Variants in DDI1 observed in about 807,000 individuals in gnomAD.
DDI1 encodes the protein protein DDI1 homolog 1.
DDI1 carries 6 observed loss-of-function variants against 7.2 expected under a neutral mutation model. The observed-to-expected ratio is 0.83, with a 90% confidence interval of 0.46 to 1.64. DDI1 has a LOEUF of 1.64. Ranked by LOEUF, DDI1 falls within the 40% of genes most tolerant of loss-of-function variation. The pLI, the probability that DDI1 is intolerant of heterozygous loss-of-function variation, is 0.01. For missense variants in DDI1, 502 were observed against 516.6 expected (o/e 0.97, Z 0.27); for synonymous variants, 221 against 201.7 (o/e 1.10, Z -0.81).
rs1860284846 is a variant in DDI1, at chr11:104,038,106, C to T, written c.*93C>T. 3.9e-6 allele frequency: 5 copies of T among 1,285,832 alleles called. No homozygotes were observed. In the African/African-American group the frequency reaches 7.4e-5, roughly 19 times the overall value. 79.7% of individuals were successfully genotyped at this position (1,285,832 alleles called of 1,614,324 possible). A position where few individuals can be genotyped will look rare whatever the true frequency, so the allele number is the denominator to read the frequency against. On this transcript the variant is annotated 3_prime_UTR_variant, in exon 1 of 1. Coordinates refer to ENST00000302259, the MANE Select transcript of DDI1 (RefSeq NM_001001711.3). ...TACTGGCAATGTAATCATTAAAAAA[C>T]ATCAGTAACAACTAAACCTGGCCTT... is the stretch of plus-strand genomic sequence containing the variant.
Position 104,036,775 on chromosome 11 carries a change from G to T in DDI1, c.-48G>T. 6.7e-7 allele frequency: 1 copy of T among 1,500,934 alleles called. No homozygotes were observed. Among genetic ancestry groups the T allele is most frequent in the Non-Finnish European group, 9.2e-7 (1 of 1,092,182 alleles). The allele number at this position is 1,500,934 out of a possible 1,614,324, so 93.0% of individuals were successfully genotyped here. A position where few individuals can be genotyped will look rare whatever the true frequency, so the allele number is the denominator to read the frequency against. On this transcript the variant is annotated 5_prime_UTR_variant, in exon 1 of 1. Coordinates refer to ENST00000302259, the MANE Select transcript of DDI1 (RefSeq NM_001001711.3). ...GACGCAGGCCCGCCCCAGCCCGCCAGTGAGCCGCCCATGCCCTCTGCTAGC... is the reference window on the plus strand; with the variant it reads ...GACGCAGGCCCGCCCCAGCCCGCCATTGAGCCGCCCATGCCCTCTGCTAGC...
rs1253955352 is a variant in DDI1 at position 104,038,439 on chromosome 11, T to A, written c.*426T>A. The A allele has an allele frequency of 5.6e-6, 1 of 178,798 alleles. No individual in the cohort carries two copies. The highest frequency in any genetic ancestry group is 2.4e-5 in the African/African-American group (1 of 41,646). 11.1% of individuals were successfully genotyped at this position (178,798 alleles called of 1,614,324 possible). ...TCACATCAGCACTAATAATTCTTTC[T>A]ACTGAGAGAAATATGCCCATTTTCA... On this transcript the variant is annotated 3_prime_UTR_variant, in exon 1 of 1. Coordinates refer to ENST00000302259, the MANE Select transcript of DDI1 (RefSeq NM_001001711.3).
At position 104,036,783 on chromosome 11, in the gene DDI1, C is replaced by T. The variant is rs2134394460; in HGVS notation, c.-40C>T. Reference sequence around the variant, plus strand: ...CCCGCCCCAGCCCGCCAGTGAGCCGCCCATGCCCTCTGCTAGCCCGGCCCG... The same window carrying T: ...CCCGCCCCAGCCCGCCAGTGAGCCGTCCATGCCCTCTGCTAGCCCGGCCCG... On this transcript the variant is annotated 5_prime_UTR_variant, in exon 1 of 1. Coordinates refer to ENST00000302259, the MANE Select transcript of DDI1 (RefSeq NM_001001711.3). The T allele has an allele frequency of 6.5e-7, 1 of 1,542,028 alleles. No homozygotes were observed. The highest frequency in any genetic ancestry group is 8.9e-7 in the Non-Finnish European group (1 of 1,123,198).
rs769083816 is a variant in DDI1, at chr11:104,037,723, C to T, written c.901C>T (p.Arg301Cys). The T allele has an allele frequency of 3.2e-5, 52 of 1,613,966 alleles. No individual in the cohort carries two copies. Among genetic ancestry groups the T allele is most frequent in the South Asian group, 1.5e-4 (14 of 91,074 alleles). ...AGTGGGCACACAGAGAATTATTGGC[C>T]GTGTTCATCTAGCTCAGATTCAAAT... The part of the protein sequence containing the change: ...KGVGTQRIIG[R>C]VHLAQIQIEG... Residue 301 changes from arginine (R) to cysteine (C), a missense_variant, in exon 1 of 1, where the codon CGT (arginine) becomes TGT (cysteine). Arg to Cys is a radical substitution (Grantham distance 180). Coordinates refer to ENST00000302259, the MANE Select transcript of DDI1 (RefSeq NM_001001711.3).
chr11:104,037,054 G>C lies in DDI1; in HGVS notation c.232G>C (p.Asp78His). Residue 78 changes from aspartate (D) to histidine (H), a missense_variant, in exon 1 of 1, where the codon GAC becomes CAC. By Grantham distance (81) the Asp-to-His change is moderately conservative. Coordinates refer to ENST00000302259, the MANE Select transcript of DDI1 (RefSeq NM_001001711.3). The stretch of plus-strand genomic sequence containing the variant: ...CGATATCGTGGTTTTACTGCAGAAG[G>C]ACAATGTGGGACCTCGGGCTCCAGG... ...DGDIVVLLQK[D>H]NVGPRAPGRA... 6.2e-7 allele frequency: 1 copy of C among 1,614,256 alleles called. No homozygotes were observed. Among genetic ancestry groups the C allele is most frequent in the Non-Finnish European group, 8.5e-7 (1 of 1,180,050 alleles).
rs964955125 is a variant in DDI1 at position 104,037,089 on chromosome 11, G to A, written c.267G>A (p.Pro89=). Residue 89 remains proline (P), a synonymous_variant, in exon 1 of 1, where the codon CCG becomes CCA. Transcript: ENST00000302259. Reference sequence around the variant, plus strand: ...GACCTCGGGCTCCAGGGCGTGCCCCGAACCAGCCTCGTGTAGACTTCAGTG... The same window carrying A: ...GACCTCGGGCTCCAGGGCGTGCCCCAAACCAGCCTCGTGTAGACTTCAGTG... ...NVGPRAPGRA[P]NQPRVDFSGI... 3 of 1,614,078 alleles carry A rather than the reference G, an allele frequency of 1.9e-6. No homozygotes were observed. Among genetic ancestry groups the A allele is most frequent in the African/African-American group, 2.7e-5 (2 of 74,948 alleles).
In DDI1 at chr11:104,038,429, T is replaced by C. The variant is rs998073793; in HGVS notation, c.*416T>C. 1 of 181,840 alleles carries C rather than the reference T, an allele frequency of 5.5e-6. No homozygotes were observed. The highest frequency in any genetic ancestry group is 1.3e-5 in the Non-Finnish European group (1 of 76,198). The allele number at this position is 181,840 out of a possible 1,614,324, so 11.3% of individuals were successfully genotyped here. A position where few individuals can be genotyped will look rare whatever the true frequency, so the allele number is the denominator to read the frequency against. ...TAAAACTATTTCACATCAGCACTAA[T>C]AATTCTTTCTACTGAGAGAAATATG... is the stretch of plus-strand genomic sequence containing the variant. On this transcript the variant is annotated 3_prime_UTR_variant, in exon 1 of 1. Transcript: ENST00000302259.
In DDI1 at chr11:104,036,817, C is replaced by T. The variant is rs1426702111; in HGVS notation, c.-6C>T. ...TCTGCTAGCCCGGCCCGCCCGGGCCCCCGCCATGCTGATCACCGTGTACTG... is the reference window on the plus strand; with the variant it reads ...TCTGCTAGCCCGGCCCGCCCGGGCCTCCGCCATGCTGATCACCGTGTACTG... On this transcript the variant is annotated 5_prime_UTR_variant, in exon 1 of 1. Coordinates refer to ENST00000302259, the MANE Select transcript of DDI1 (RefSeq NM_001001711.3). 6.2e-6 allele frequency: 10 copies of T among 1,610,082 alleles called. No homozygotes were observed. The highest frequency in any genetic ancestry group is 7.6e-6 in the Non-Finnish European group (9 of 1,177,422).
rs1484334753 is a variant in DDI1 at position 104,037,905 on chromosome 11, T to C, written c.1083T>C (p.Leu361=). The C allele has an allele frequency of 6.2e-7, 1 of 1,614,020 alleles. No homozygotes were observed. The highest frequency in any genetic ancestry group is 8.5e-7 in the Non-Finnish European group (1 of 1,180,040). ...IGTTGTQTYF[L]PEGELPLCSR... is the part of the protein sequence containing the mutation. ...CCACTGGCACGCAGACTTATTTTCT[T>C]CCTGAGGGAGAGTTGCCCTTATGCT... The change falls in exon 1 of 1, where the codon CTT becomes CTC. Residue 361 remains leucine (L), a synonymous_variant. Transcript: ENST00000302259.
Position 104,037,921 on chromosome 11 carries a change from C to T in DDI1, c.1099C>T (p.Pro367Ser), listed in dbSNP as rs988036040. 2 of 1,614,094 alleles carry T rather than the reference C, an allele frequency of 1.2e-6. No homozygotes were observed. The highest frequency in any genetic ancestry group is 1.6e-4 in the Middle Eastern group (1 of 6,062). ...QTYFLPEGEL[P>S]LCSRMVSGQD... ...TTATTTTCTTCCTGAGGGAGAGTTG[C>T]CCTTATGCTCTAGGATGGTAAGTGG... The change falls in exon 1 of 1, where the codon CCC becomes TCC. Residue 367 changes from proline (P) to serine (S), a missense_variant. By Grantham distance (74) the Pro-to-Ser change is moderately conservative. Transcript: ENST00000302259.
At position 104,037,857 on chromosome 11, in the gene DDI1, G is replaced by GA. The variant is rs1860278927; in HGVS notation, c.1040dup (p.Asn347LysfsTer17). On this transcript the variant is annotated frameshift_variant, in exon 1 of 1. Transcript: ENST00000302259. LOFTEE classifies it low-confidence loss of function (END_TRUNC). Reference sequence around the variant, plus strand: ...GACATCAATGTTCCATCGATTTGAAGAAAAATGTGCTGGTCATCGGCACCA... The same window carrying GA: ...GACATCAATGTTCCATCGATTTGAAGAAAAAATGTGCTGGTCATCGGCACCA... 1 of 1,614,146 alleles carries GA rather than the reference G, an allele frequency of 6.2e-7. No homozygotes were observed. The highest frequency in any genetic ancestry group is 1.6e-4 in the Middle Eastern group (1 of 6,062).
chr11:104,038,767 T>G lies in DDI1; in HGVS notation c.*754T>G, dbSNP rs902219254. ...AAATTAGATTTTTTAAAAAAGAAAT[T>G]ATGGTACTTCTTGGGAGTCAAGTTG... On this transcript the variant is annotated 3_prime_UTR_variant, in exon 1 of 1. Coordinates refer to ENST00000302259, the MANE Select transcript of DDI1 (RefSeq NM_001001711.3). The G allele has an allele frequency of 1.8e-5, 3 of 167,144 alleles. No homozygotes were observed. The highest frequency in any genetic ancestry group is 1.3e-4 in the Admixed American group (2 of 15,300). The allele number at this position is 167,144 out of a possible 1,614,324, so 10.4% of individuals were successfully genotyped here.
In DDI1 at chr11:104,038,275, A is replaced by G. The variant is rs1046068606; in HGVS notation, c.*262A>G. The G allele has an allele frequency of 1.0e-4, 43 of 427,294 alleles. No homozygotes were observed. The East Asian group carries it at 1.6e-3, about 16-fold the overall frequency. 26.5% of individuals were successfully genotyped at this position (427,294 alleles called of 1,614,324 possible). A position where few individuals can be genotyped will look rare whatever the true frequency, so the allele number is the denominator to read the frequency against. On this transcript the variant is annotated 3_prime_UTR_variant, in exon 1 of 1. Coordinates refer to ENST00000302259, the MANE Select transcript of DDI1 (RefSeq NM_001001711.3). ...CAGCTGATTTCCAGATAATCCATGAAAAAGAAAACCAGCTTCTTCCTTTAG... is the reference window on the plus strand; with the variant it reads ...CAGCTGATTTCCAGATAATCCATGAGAAAGAAAACCAGCTTCTTCCTTTAG...
chr11:104,036,754 C>A lies in DDI1; in HGVS notation c.-69C>A. Reference sequence around the variant, plus strand: ...CTGAGGAGCAGCGGCACCAACGACGCAGGCCCGCCCCAGCCCGCCAGTGAG... The same window carrying A: ...CTGAGGAGCAGCGGCACCAACGACGAAGGCCCGCCCCAGCCCGCCAGTGAG... On this transcript the variant is annotated 5_prime_UTR_variant, in exon 1 of 1. Transcript: ENST00000302259. 3 of 1,298,640 alleles carry A rather than the reference C, an allele frequency of 2.3e-6. No individual in the cohort carries two copies. The highest frequency in any genetic ancestry group is 3.3e-6 in the Non-Finnish European group (3 of 920,268). 80.4% of individuals were successfully genotyped at this position (1,298,640 alleles called of 1,614,324 possible).
At position 104,038,593 on chromosome 11, in the gene DDI1, T is replaced by TC. The variant is rs1860295710; in HGVS notation, c.*584dup. On this transcript the variant is annotated 3_prime_UTR_variant, in exon 1 of 1. Transcript: ENST00000302259. ...ATTTCCTCATATTTACACCTTCCCT[T>TC]CCCCTGGATCCCCTGCAGTCACCCT... 1 of 167,188 alleles carries TC rather than the reference T, an allele frequency of 6.0e-6. No individual in the cohort carries two copies. Among genetic ancestry groups the TC allele is most frequent in the Non-Finnish European group, 1.5e-5 (1 of 68,230 alleles). The allele number at this position is 167,188 out of a possible 1,614,324, so 10.4% of individuals were successfully genotyped here.
chr11:104,038,077 A>G lies in DDI1; in HGVS notation c.*64A>G. 6.8e-7 allele frequency: 1 copy of G among 1,466,324 alleles called. No individual in the cohort carries two copies. The highest frequency in any genetic ancestry group is 1.3e-5 in the South Asian group (1 of 74,762). The allele number at this position is 1,466,324 out of a possible 1,614,324, so 90.8% of individuals were successfully genotyped here. A position where few individuals can be genotyped will look rare whatever the true frequency, so the allele number is the denominator to read the frequency against. On this transcript the variant is annotated 3_prime_UTR_variant, in exon 1 of 1. Transcript: ENST00000302259. ...AGGTCCCCGGCAATTATAAGTTAAG[A>G]GCTTACTGGCAATGTAATCATTAAA... is the stretch of plus-strand genomic sequence containing the variant.
At position 104,036,894 on chromosome 11, in the gene DDI1, C is replaced by G. The variant is rs17851869; in HGVS notation, c.72C>G (p.Asp24Glu). The part of the protein sequence containing the change: ...EVTFSLQVSP[D>E]FELRNFKVLC... ...CCTTCTCTCTCCAGGTCAGCCCCGA[C>G]TTTGAGCTCCGAAACTTCAAGGTCC... The change falls in exon 1 of 1, where the codon GAC becomes GAG. Residue 24 changes from aspartate (D) to glutamate (E), a missense_variant. Asp to Glu is a conservative substitution (Grantham distance 45, BLOSUM62 2). Coordinates refer to ENST00000302259, the MANE Select transcript of DDI1 (RefSeq NM_001001711.3). 6.2e-7 allele frequency: 1 copy of G among 1,614,174 alleles called. No homozygotes were observed. The highest frequency in any genetic ancestry group is 1.1e-5 in the South Asian group (1 of 91,086).
At position 104,038,685 on chromosome 11, in the gene DDI1, A is replaced by G. The variant is rs1253863096; in HGVS notation, c.*672A>G. The G allele has an allele frequency of 1.2e-5, 2 of 167,092 alleles. No individual in the cohort carries two copies. The highest frequency in any genetic ancestry group is 2.9e-5 in the Non-Finnish European group (2 of 68,120). 10.4% of individuals were successfully genotyped at this position (167,092 alleles called of 1,614,324 possible). A position where few individuals can be genotyped will look rare whatever the true frequency, so the allele number is the denominator to read the frequency against. ...GTGGATTTATCTCCAAGGATGCTACATTAATTTTCTATTTCTCCTGCATTC... is the reference window on the plus strand; with the variant it reads ...GTGGATTTATCTCCAAGGATGCTACGTTAATTTTCTATTTCTCCTGCATTC... On this transcript the variant is annotated 3_prime_UTR_variant, in exon 1 of 1. Transcript: ENST00000302259.
rs1248062347 is a variant in DDI1 at position 104,036,694 on chromosome 11, G to A, written c.-129G>A. Reference sequence around the variant, plus strand: ...ATGAGTGTCCGCGCCTCTCTGAGAGGTGAATGAGCCCGGACGGTCCCTACC... The same window carrying A: ...ATGAGTGTCCGCGCCTCTCTGAGAGATGAATGAGCCCGGACGGTCCCTACC... On this transcript the variant is annotated 5_prime_UTR_variant, in exon 1 of 1. It adds an upstream start codon to the 5' untranslated region. Transcript: ENST00000302259. 5.5e-6 allele frequency: 4 copies of A among 727,924 alleles called. No individual in the cohort carries two copies. In the Admixed American group the frequency reaches 7.1e-5, roughly 13 times the overall value. 45.1% of individuals were successfully genotyped at this position (727,924 alleles called of 1,614,324 possible). A position where few individuals can be genotyped will look rare whatever the true frequency, so the allele number is the denominator to read the frequency against.
Sources: gnomAD v4.1 joint callset for allele counts on GRCh38, gnomAD v4.1.1 for gene constraint, MANE v1.5 for transcripts, NCBI Gene and HGNC (gene_info 2026-07-23, HGNC 2026-07-21) for gene names.